MAP2K5: variants seen among roughly 807,000 people sequenced by gnomAD.
The protein encoded by MAP2K5 is dual specificity mitogen-activated protein kinase kinase 5.
MAP2K5 carries 49 observed loss-of-function variants against 83.1 expected under a neutral mutation model. That is an observed-to-expected ratio of 0.59 (90% CI 0.47 to 0.75). The LOEUF is 0.75. Among genes scored for constraint, MAP2K5 ranks in the 30% least tolerant of loss-of-function variants. MAP2K5 has a pLI of 0.00. For missense variants in MAP2K5, 457 were observed against 557.5 expected (o/e 0.82, Z 1.82); for synonymous variants, 202 against 191.8 (o/e 1.05, Z -0.44).
chr15:67,725,913 G>A (rs1231848294), intron 16 of MAP2K5, among the ~76,000 whole-genome samples: 3 of 152,216 alleles, frequency 2.0e-5, no homozygotes, highest in African/African-American at 7.2e-5. Context: ...GGTGGGGACA[G>A]AGGATGGGAG....
chr15:67,597,186 GA>G (rs58243841), intron 7 of MAP2K5, among the ~76,000 whole-genome samples: 36 of 143,476 alleles, frequency 2.5e-4, no homozygotes, highest in African/African-American at 4.1e-4. Flanking sequence ...AAAAAAAAAA[GA>G]AAAAAAAAAA....
At position 67,722,228 on chromosome 15, in the gene MAP2K5, C is replaced by A; in HGVS notation, c.1045-5688C>A. 6.6e-6 allele frequency among the ~76,000 whole-genome samples: 1 copy of A among 152,100 alleles called. No homozygotes were observed. The highest frequency in any genetic ancestry group is 1.9e-4 in the East Asian group (1 of 5,190). ...GATTCCACAAGTTATCAGCTAATGG[C>A]GTTATACATTAAAAATTGAAGCTTT... On this transcript the variant is annotated intron_variant, in intron 16 of 21. Transcript: ENST00000178640. The surrounding 1 kb of genome is among the most constrained non-coding windows in gnomAD (Gnocchi z 4.2).
chr15:67,741,356 A>G (rs2089487738), intron 17 of MAP2K5, among the ~76,000 whole-genome samples: 1 of 152,200 alleles, frequency 6.6e-6, no homozygotes, highest in Non-Finnish European at 1.5e-5. Context: ...TGCTGGTTTT[A>G]GCTGGGACTT....
chr15:67,553,633 G>T (rs1458673068), intron 2 of MAP2K5, among the ~76,000 whole-genome samples: 2 of 152,144 alleles, frequency 1.3e-5, no homozygotes, highest in East Asian at 3.9e-4. Context: ...AATAGTTGAG[G>T]CCGGGCGTGG....
Position 67,746,201 on chromosome 15 carries a change from C to G in MAP2K5, c.1075-2030C>G, listed in dbSNP as rs1341835596. ...CTCCCCTCAGTTAATCTGATTCACACAACTCATATGTTTCTGGGGACAGTG... is the reference window on the plus strand; with the variant it reads ...CTCCCCTCAGTTAATCTGATTCACAGAACTCATATGTTTCTGGGGACAGTG... On this transcript the variant is annotated intron_variant, in intron 17 of 21. Transcript: ENST00000178640. The surrounding 1 kb of genome is among the most constrained non-coding windows in gnomAD (Gnocchi z 4.1). 1.3e-5 allele frequency among the ~76,000 whole-genome samples: 2 copies of G among 152,144 alleles called. No homozygotes were observed. Among genetic ancestry groups the G allele is most frequent in the African/African-American group, 4.8e-5 (2 of 41,436 alleles).
At chr15:67,731,003 A>G (rs1314279869) in intron 17 of MAP2K5, among the ~76,000 whole-genome samples, 2 of 152,216 alleles carry the variant, frequency 1.3e-5, no homozygotes, top group African/African-American at 4.8e-5. Context: ...ATGCTGATCA[A>G]ATGAGACTAT....
chr15:67,796,413 TA>T (rs2090605180), intron 21 of MAP2K5, among the ~76,000 whole-genome samples: 1 of 152,168 alleles, frequency 6.6e-6, no homozygotes, highest in Non-Finnish European at 1.5e-5. Context: ...TCAGGAAGTT[TA>T]AAATCATGGC....
Position 67,646,403 on chromosome 15 carries a change from A to G in MAP2K5, c.670A>G (p.Ile224Val), listed in dbSNP as rs201636416. The G allele has an allele frequency of 4.6e-5, 74 of 1,595,896 alleles. 1 individual carries two copies. The highest frequency in any genetic ancestry group is 1.8e-4 in the East Asian group (8 of 44,564). Reference sequence around the variant, plus strand: ...TTTGTTACAGTGCGATTCATCATATATCATTGGATTTTATGGAGCATTTTT... The same window carrying G: ...TTTGTTACAGTGCGATTCATCATATGTCATTGGATTTTATGGAGCATTTTT... Reference protein sequence around the residue: ...EILYKCDSSYIIGFYGAFFVE... With the variant: ...EILYKCDSSYVIGFYGAFFVE... The change falls in exon 11 of 22, where the codon ATC (isoleucine) becomes GTC (valine). Residue 224 changes from isoleucine (I) to valine (V), a missense_variant. Physicochemically the swap from Ile to Val is conservative, Grantham distance 29. Coordinates refer to ENST00000178640, the MANE Select transcript of MAP2K5 (RefSeq NM_145160.3).
At position 67,770,857 on chromosome 15, in the gene MAP2K5, G is replaced by T. The variant is rs2090127830; in HGVS notation, c.1196+1194G>T. 1.3e-5 allele frequency among the ~76,000 whole-genome samples: 2 copies of T among 152,066 alleles called. No individual in the cohort carries two copies. The highest frequency in any genetic ancestry group is 4.8e-5 in the African/African-American group (2 of 41,402). ...TTTATATTCCATAGAAAATATATGT[G>T]AGGAAGAAATTTTTCTCCCCAATTA... is the stretch of plus-strand genomic sequence containing the variant. On this transcript the variant is annotated intron_variant, in intron 20 of 21. Transcript: ENST00000178640. The surrounding 1 kb of genome is among the most constrained non-coding windows in gnomAD (Gnocchi z 5.0).
chr15:67,662,902 C>T (rs2087274136), intron 12 of MAP2K5, among the ~76,000 whole-genome samples: 1 of 152,110 alleles, frequency 6.6e-6, no homozygotes, highest in Non-Finnish European at 1.5e-5. Context: ...TCTTGATATA[C>T]TTCATTCTTT....
chr15:67,596,914 G>A (rs2085537978), intron 7 of MAP2K5, among the ~76,000 whole-genome samples: 1 of 152,204 alleles, frequency 6.6e-6, no homozygotes, highest in Non-Finnish European at 1.5e-5. Context: ...GCTCACGCCT[G>A]TAATCCCAGC....
intron 13 of MAP2K5, among the ~76,000 whole-genome samples, chr15:67,671,051 AC>A (rs1220079510): frequency 6.6e-6 from 1 of 152,208 alleles, no homozygotes; most frequent in Non-Finnish European, 1.5e-5. Flanking sequence ...TCACTGGGTG[AC>A]CCCAGAAAGG....
chr15:67,661,056 G>C (rs2087224472), intron 12 of MAP2K5, among the ~76,000 whole-genome samples: 1 of 152,026 alleles, frequency 6.6e-6, no homozygotes, highest in African/African-American at 2.4e-5. Flanking sequence ...ATGCAAGGCA[G>C]GTTCATAGGT....
At chr15:67,735,875 C>T (rs2089328901) in intron 17 of MAP2K5, among the ~76,000 whole-genome samples, 1 of 152,152 alleles carries the variant, frequency 6.6e-6, no homozygotes, top group Non-Finnish European at 1.5e-5. Flanking sequence ...TTATCTCTCC[C>T]TCCTAGGCTC....
chr15:67,551,841 A>G lies in MAP2K5; in HGVS notation c.184+1759A>G, dbSNP rs76976915. Among the ~76,000 whole-genome samples, 1,153 of 152,362 alleles carry G rather than the reference A, an allele frequency of 7.6e-3. 13 individuals carry two copies. Among genetic ancestry groups the G allele is most frequent in the African/African-American group, 0.025 (1,043 of 41,572 alleles). On this transcript the variant is annotated intron_variant, in intron 2 of 21. Coordinates refer to ENST00000178640, the MANE Select transcript of MAP2K5 (RefSeq NM_145160.3). Reference sequence around the variant, plus strand: ...ATTTGTCTATAATTCAAAGCATTCAACAGTGACTAAAAAGAATGAGTTAGG... The same window carrying G: ...ATTTGTCTATAATTCAAAGCATTCAGCAGTGACTAAAAAGAATGAGTTAGG...
At chr15:67,545,249 G>A (rs529100553) in intron 1 of MAP2K5, among the ~76,000 whole-genome samples, 12 of 152,290 alleles carry the variant, frequency 7.9e-5, no homozygotes, top group Non-Finnish European at 1.8e-4. Flanking sequence ...GCACATGTTT[G>A]ATCATGATTC....
chr15:67,700,706 C>T (rs1310093067), intron 15 of MAP2K5, among the ~76,000 whole-genome samples: 1 of 152,046 alleles, frequency 6.6e-6, no homozygotes, highest in Non-Finnish European at 1.5e-5. Flanking sequence ...TTTCCCAATC[C>T]CTATCCACCT....
rs190179623 is a variant in MAP2K5 at position 67,745,536 on chromosome 15, C to T, written c.1075-2695C>T. ...ATGTGATCTTGAAAAAGGTAAACAA[C>T]AAAGAGTTTAGCAGTGAAAAATATG... On this transcript the variant is annotated intron_variant, in intron 17 of 21. Coordinates refer to ENST00000178640, the MANE Select transcript of MAP2K5 (RefSeq NM_145160.3). Among the ~76,000 whole-genome samples the T allele has an allele frequency of 2.3e-3, 348 of 152,236 alleles. 2 individuals carry two copies. The highest frequency in any genetic ancestry group is 4.8e-3 in the South Asian group (23 of 4,820).
chr15:67,588,394 C>G (rs550450185), intron 6 of MAP2K5, among the ~76,000 whole-genome samples: 1 of 152,210 alleles, frequency 6.6e-6, no homozygotes, highest in African/African-American at 2.4e-5. Context: ...CTGATTACTA[C>G]CCATCCCCAG....
Sources: gnomAD v4.1 joint callset for allele counts (sites outside exome capture counted in the v4.1 genomes callset) on GRCh38, gnomAD v4.1.1 for gene constraint, Gnocchi (gnomAD v3.1) non-coding constraint, MANE v1.5 for transcripts, NCBI Gene and HGNC (gene_info 2026-07-23, HGNC 2026-07-21) for gene names.